ELAVL2: variants seen among roughly 807,000 people sequenced by gnomAD.
ELAVL2 encodes ELAV like RNA binding protein 2.
Under a neutral mutation model 34.6 loss-of-function variants are expected in ELAVL2, and 4 were observed. The observed-to-expected ratio is 0.12, with a 90% confidence interval of 0.06 to 0.26. The LOEUF is 0.26. ELAVL2 is among the 10% of genes least tolerant of loss of function. ELAVL2 has a pLI of 1.00. For missense variants in ELAVL2, 432 were observed against 442.8 expected (o/e 0.98, Z 0.22); for synonymous variants, 193 against 154.8 (o/e 1.25, Z -1.83).
At chr9:23,700,886 A>C (rs2036962705) in intron 5 of ELAVL2, among the ~76,000 whole-genome samples, 1 of 152,158 alleles carries the variant, frequency 6.6e-6, no homozygotes, top group Non-Finnish European at 1.5e-5. Context: ...TTTAAGAAAA[A>C]AAAAAAAGGA....
At chr9:23,765,234 C>T in intron 1 of ELAVL2, 1 of 690,788 alleles carries the variant, frequency 1.4e-6, no homozygotes, top group South Asian at 2.2e-5. Context: ...GAAATTGAGG[C>T]AATTCCAATC....
intron 5 of ELAVL2, among the ~76,000 whole-genome samples, chr9:23,695,756 A>G (rs910321574): frequency 6.6e-6 from 1 of 152,184 alleles, no homozygotes; most frequent in African/African-American, 2.4e-5. Context: ...AAGGTAATGC[A>G]TTGCACAATA....
At chr9:23,710,542 G>A (rs1440090309) in intron 3 of ELAVL2, among the ~76,000 whole-genome samples, 1 of 152,102 alleles carries the variant, frequency 6.6e-6, no homozygotes, top group Non-Finnish European at 1.5e-5. Context: ...CATTTGAGAA[G>A]TCACCCACTG....
chr9:23,780,450 T>A (rs576582745), intron 1 of ELAVL2, among the ~76,000 whole-genome samples: 2 of 152,342 alleles, frequency 1.3e-5, no homozygotes, highest in African/African-American at 4.8e-5. Flanking sequence ...TTTCAATTTG[T>A]TGAAAGTTTA....
chr9:23,800,994 A>T (rs1432173301), intron 1 of ELAVL2, among the ~76,000 whole-genome samples: 1 of 150,492 alleles, frequency 6.6e-6, no homozygotes, highest in African/African-American at 2.5e-5. Context: ...TATACCAATA[A>T]ACTTTACAGC....
chr9:23,727,282 C>G (rs2045458090), intron 3 of ELAVL2, among the ~76,000 whole-genome samples: 1 of 152,066 alleles, frequency 6.6e-6, no homozygotes, highest in South Asian at 2.1e-4. Flanking sequence ...TAACCTGTAT[C>G]TGCTACTACT....
Position 23,704,940 on chromosome 9 carries a change from A to C in ELAVL2, c.465T>G (p.Arg155=). 1 of 1,614,118 alleles carries C rather than the reference A, an allele frequency of 6.2e-7. No individual in the cohort carries two copies. The highest frequency in any genetic ancestry group is 8.5e-7 in the Non-Finnish European group (1 of 1,179,988). Residue 155 remains arginine, a synonymous_variant, in exon 4 of 7, where the codon CGT becomes CGG. Transcript: ENST00000397312. The stretch of plus-strand genomic sequence containing the variant: ...TACCAGTGACCTGGTCGACAAGAAT[A>C]CGAGAAGTAATAATGCGTCCATATT... ...FSQYGRIITS[R]ILVDQVTGIS...
At chr9:23,704,082 G>A (rs758321075) in intron 4 of ELAVL2, among the ~76,000 whole-genome samples, 6 of 149,354 alleles carry the variant, frequency 4.0e-5, no homozygotes, top group Non-Finnish European at 7.5e-5. Flanking sequence ...ACAGGCATGC[G>A]CCATCACACC....
intron 1 of ELAVL2, among the ~76,000 whole-genome samples, chr9:23,797,605 G>A (rs2061094609): frequency 6.6e-6 from 1 of 152,276 alleles, no homozygotes; most frequent in Non-Finnish European, 1.5e-5. Flanking sequence ...TACGATTTAG[G>A]TTTGCCATAA....
At chr9:23,795,992 C>T (rs146685091) in intron 1 of ELAVL2, among the ~76,000 whole-genome samples, 1 of 152,158 alleles carries the variant, frequency 6.6e-6, no homozygotes, top group Non-Finnish European at 1.5e-5. Flanking sequence ...TTGTTTCCCA[C>T]CAGATTTTGG....
chr9:23,713,762 T>C (rs921270341), intron 3 of ELAVL2, among the ~76,000 whole-genome samples: 9 of 152,176 alleles, frequency 5.9e-5, no homozygotes, highest in African/African-American at 1.7e-4. Flanking sequence ...CAGAAGAGAA[T>C]ACACTGTAAC....
At chr9:23,693,380 C>T in intron 6 of ELAVL2, 68 bp downstream of exon 6, 2 of 1,592,194 alleles carry the variant, frequency 1.3e-6, no homozygotes, top group Non-Finnish European at 1.7e-6. Context: ...GTGAATAGCA[C>T]TCCCAAAATC....
At chr9:23,770,756 T>A (rs1271358125) in intron 1 of ELAVL2, among the ~76,000 whole-genome samples, 3 of 152,216 alleles carry the variant, frequency 2.0e-5, no homozygotes, top group Non-Finnish European at 2.9e-5. Flanking sequence ...ACTTCTGATG[T>A]TCTTCGGAAT....
At chr9:23,839,217 G>T in the ELAVL2 span, among the ~76,000 whole-genome samples, 3 of 151,530 alleles carry the variant, frequency 2.0e-5, no homozygotes, top group Non-Finnish European at 2.9e-5. Flanking sequence ...AATGTGTTCT[G>T]TTATCTTTTA....
At chr9:23,777,544 A>G (rs535440338) in intron 1 of ELAVL2, among the ~76,000 whole-genome samples, 2 of 152,306 alleles carry the variant, frequency 1.3e-5, no homozygotes, top group Non-Finnish European at 1.5e-5. Context: ...TTCACAACAA[A>G]GATCTGGAGA....
intron 1 of ELAVL2, among the ~76,000 whole-genome samples, chr9:23,809,140 G>C (rs1040356079): frequency 6.6e-6 from 1 of 152,164 alleles, no homozygotes; most frequent in Non-Finnish European, 1.5e-5. Context: ...GAGCAGCCTT[G>C]TCAGGATCCC....
chr9:23,803,362 T>C (rs1233946697), intron 1 of ELAVL2, among the ~76,000 whole-genome samples: 1 of 152,216 alleles, frequency 6.6e-6, no homozygotes, highest in Non-Finnish European at 1.5e-5. Context: ...ATACTTACAC[T>C]GGTTTAGAAA....
intron 3 of ELAVL2, among the ~76,000 whole-genome samples, chr9:23,729,442 T>C (rs1221652876): frequency 2.0e-5 from 3 of 152,136 alleles, no homozygotes; most frequent in Non-Finnish European, 4.4e-5. Flanking sequence ...AGAACACTTA[T>C]TGTTACTTAA....
intron 1 of ELAVL2, chr9:23,779,397 C>CTATT: frequency 1.0e-6 from 1 of 985,322 alleles, no homozygotes; most frequent in Non-Finnish European, 1.2e-6. Context: ...TAAACACTGG[C>CTATT]TATTTATAGC....
Sources: allele counts gnomAD v4.1 joint callset (sites outside exome capture counted in the v4.1 genomes callset), GRCh38; gene constraint gnomAD v4.1.1; transcripts MANE v1.5; gene names NCBI Gene and HGNC (gene_info 2026-07-23, HGNC 2026-07-21).